The following ADAMTS17 variants were observed in gnomAD, a reference collection of about 807,000 sequenced individuals.
The protein encoded by ADAMTS17 is A disintegrin and metalloproteinase with thrombospondin motifs 17.
A neutral mutation model predicts 141.5 loss-of-function variants in ADAMTS17; 113 were observed. That is an observed-to-expected ratio of 0.80 (90% CI 0.69 to 0.93). The LOEUF (loss-of-function observed/expected upper bound fraction) is 0.93, where lower values mean the gene tolerates loss of function less well. Among genes scored for constraint, ADAMTS17 ranks in the 40% least tolerant of loss-of-function variants. The pLI is 0.00. For missense variants in ADAMTS17, 1,659 were observed against 1,517.9 expected (o/e 1.09, Z -1.54); for synonymous variants, 768 against 630.6 (o/e 1.22, Z -3.27).
chr15:100,197,118 C>T (rs1037193026), intron 8 of ADAMTS17, among the ~76,000 whole-genome samples: 1 of 152,150 alleles, frequency 6.6e-6, no homozygotes. Flanking sequence ...GTGTTTGATC[C>T]GGCACACTCG....
intron 2 of ADAMTS17, among the ~76,000 whole-genome samples, chr15:100,334,223 C>A (rs1022890322): frequency 6.6e-6 from 1 of 152,208 alleles, no homozygotes; most frequent in Admixed American, 6.5e-5. Context: ...TTTTTATCAC[C>A]TAACGTTAGC....
intron 8 of ADAMTS17, among the ~76,000 whole-genome samples, chr15:100,157,397 A>G (rs1425193436): frequency 6.6e-6 from 1 of 152,250 alleles, no homozygotes; most frequent in African/African-American, 2.4e-5. Context: ...GCACTTACAT[A>G]TAATGTCTTG....
chr15:100,146,770 G>C (rs1454166178), intron 10 of ADAMTS17, among the ~76,000 whole-genome samples: 1 of 152,270 alleles, frequency 6.6e-6, no homozygotes, highest in Non-Finnish European at 1.5e-5. Flanking sequence ...ACGTGCCTGG[G>C]GGTATAGGTC....
intron 18 of ADAMTS17, among the ~76,000 whole-genome samples, chr15:100,038,457 A>T (rs1450931702): frequency 2.0e-5 from 3 of 152,224 alleles, no homozygotes; most frequent in Non-Finnish European, 4.4e-5. Context: ...CAATTTGTAG[A>T]GTATTGTTAT....
chr15:100,328,517 T>G (rs1417799701), intron 3 of ADAMTS17, among the ~76,000 whole-genome samples: 1 of 152,178 alleles, frequency 6.6e-6, no homozygotes, highest in Non-Finnish European at 1.5e-5. Flanking sequence ...GATGCAAGGT[T>G]TGAGAGCAGG....
chr15:100,001,215 C>A lies in ADAMTS17; in HGVS notation c.2592-3626G>T, dbSNP rs77311605. Among the ~76,000 whole-genome samples, 966 of 152,292 alleles carry A rather than the reference C, an allele frequency of 6.3e-3. 26 individuals carry two copies. The highest frequency in any genetic ancestry group is 0.04 in the Admixed American group (618 of 15,288). ...CCATGATCCAGGCATGCCCATTACC[C>A]CTGAATCTAGAATCAGCCACATCTC... On this transcript the variant is annotated intron_variant, in intron 18 of 21. Transcript: ENST00000268070.
At chr15:100,260,033 C>A (rs568156996) in intron 6 of ADAMTS17, among the ~76,000 whole-genome samples, 76 of 152,116 alleles carry the variant, frequency 5.0e-4, no homozygotes, top group African/African-American at 1.6e-3. Flanking sequence ...TTAGTAGAGA[C>A]GGGGTTTCAT....
intron 20 of ADAMTS17, among the ~76,000 whole-genome samples, chr15:99,990,104 T>C (rs2060661360): frequency 2.6e-5 from 4 of 152,244 alleles, no homozygotes; most frequent in Admixed American, 2.0e-4. Context: ...GGTGCAATAA[T>C]GGCTCACTGT....
intron 7 of ADAMTS17, among the ~76,000 whole-genome samples, chr15:100,207,855 CA>C (rs1294818025): frequency 6.6e-6 from 1 of 152,138 alleles, no homozygotes; most frequent in Non-Finnish European, 1.5e-5. Context: ...GTGGACCCAT[CA>C]CTCACGTCAT....
intron 6 of ADAMTS17, among the ~76,000 whole-genome samples, chr15:100,255,992 G>C (rs945607944): frequency 6.6e-6 from 1 of 152,220 alleles, no homozygotes; most frequent in South Asian, 2.1e-4. Context: ...TCTTGAAAAG[G>C]TCAGCCGAAT....
At chr15:100,008,970 G>A (rs1218588813) in intron 18 of ADAMTS17, among the ~76,000 whole-genome samples, 1 of 152,146 alleles carries the variant, frequency 6.6e-6, no homozygotes, top group African/African-American at 2.4e-5. Context: ...CTACTGCATA[G>A]CTGGGACGAC....
At chr15:100,183,030 C>A (rs2040580965) in intron 8 of ADAMTS17, among the ~76,000 whole-genome samples, 1 of 152,026 alleles carries the variant, frequency 6.6e-6, no homozygotes, top group Non-Finnish European at 1.5e-5. Flanking sequence ...GCACTGTCAC[C>A]CAGGCTGGAG....
intron 4 of ADAMTS17, among the ~76,000 whole-genome samples, chr15:100,276,741 C>T (rs2044111115): frequency 6.6e-6 from 1 of 152,220 alleles, no homozygotes; most frequent in South Asian, 2.1e-4. Flanking sequence ...GCTCTATGTT[C>T]CAGGGGGCTT....
At chr15:100,315,396 G>C (rs1332125276) in intron 3 of ADAMTS17, among the ~76,000 whole-genome samples, 1 of 152,188 alleles carries the variant, frequency 6.6e-6, no homozygotes, top group Non-Finnish European at 1.5e-5. Flanking sequence ...CCGATCTCAA[G>C]GAGGGTGGCT....
chr15:100,100,106 T>C (rs2036005361), intron 14 of ADAMTS17, among the ~76,000 whole-genome samples: 1 of 152,188 alleles, frequency 6.6e-6, no homozygotes, highest in Non-Finnish European at 1.5e-5. Context: ...GTGGTGCCTG[T>C]TATGTGCCTA....
intron 20 of ADAMTS17, among the ~76,000 whole-genome samples, chr15:99,987,785 T>A (rs2060619687): frequency 6.6e-6 from 1 of 152,082 alleles, no homozygotes; most frequent in Admixed American, 6.5e-5. Context: ...ACGGGCAAGT[T>A]TCTCTATCTG....
At chr15:100,158,656 G>A (rs1478136464) in intron 8 of ADAMTS17, among the ~76,000 whole-genome samples, 1 of 152,146 alleles carries the variant, frequency 6.6e-6, no homozygotes, top group Non-Finnish European at 1.5e-5. Flanking sequence ...GACTATCTTA[G>A]ATGCCTTATG....
chr15:100,299,265 G>A (rs2044937266), intron 3 of ADAMTS17, among the ~76,000 whole-genome samples: 1 of 151,732 alleles, frequency 6.6e-6, no homozygotes, highest in Non-Finnish European at 1.5e-5. Context: ...GATGAGGCAG[G>A]CCACCTTTGC....
chr15:99,976,414 G>C, intron 20 of ADAMTS17, 192 bp from the exon 21 acceptor site: 1 of 749,504 alleles, frequency 1.3e-6, no homozygotes, highest in Admixed American at 2.1e-5. Flanking sequence ...CACGAGGTCA[G>C]GGGGCTGGGA....
Sources: gnomAD v4.1 joint callset for allele counts (sites outside exome capture counted in the v4.1 genomes callset) on GRCh38, gnomAD v4.1.1 for gene constraint, MANE v1.5 for transcripts, NCBI Gene and HGNC (gene_info 2026-07-23, HGNC 2026-07-21) for gene names.